The following C2orf92 variants were observed in gnomAD, a reference collection of about 807,000 sequenced individuals.
C2orf92 encodes the protein chromosome 2 open reading frame 92.
chr2:97,690,069 T>C (rs1029470148), intron 4 of C2orf92, among the ~76,000 whole-genome samples, 187 bp from the exon 5 acceptor site: 1 of 151,802 alleles, frequency 6.6e-6, no homozygotes, highest in Non-Finnish European at 1.5e-5. Flanking sequence ...AGGCGGAGGT[T>C]GCCGTGAGCC....
At chr2:97,683,132 A>C (rs1215961041) in intron 3 of C2orf92, among the ~76,000 whole-genome samples, 1 of 151,762 alleles carries the variant, frequency 6.6e-6, no homozygotes, top group Non-Finnish European at 1.5e-5. Context: ...TAAAACCAGT[A>C]AATGCATTTA....
At chr2:97,664,043 C>G, upstream of C2orf92, 1 of 341,630 alleles carries the variant, frequency 2.9e-6, no homozygotes, top group Non-Finnish European at 5.1e-6. Flanking sequence ...GCGGGGCTTT[C>G]TGGAGGGCGG....
intron 3 of C2orf92, among the ~76,000 whole-genome samples, chr2:97,679,818 C>T (rs143566279): frequency 0.043 from 3,907 of 91,908 alleles, 175 homozygotes; most frequent in African/African-American, 0.14. Flanking sequence ...GCCTGGGCAA[C>T]AAGAGTGAAA....
At chr2:97,696,676 C>T (rs894771456) in intron 5 of C2orf92, among the ~76,000 whole-genome samples, 8 of 152,144 alleles carry the variant, frequency 5.3e-5, no homozygotes, top group Admixed American at 1.3e-4. Flanking sequence ...GTGGAGGTTG[C>T]GGTGAGCCGA....
chr2:97,673,254 T>C (rs1433917105), intron 1 of C2orf92, among the ~76,000 whole-genome samples: 6 of 152,102 alleles, frequency 3.9e-5, no homozygotes, highest in African/African-American at 1.4e-4. Context: ...AGTGCTGGGG[T>C]TGGGCTCCTT....
At chr2:97,685,164 C>G (rs1472856080) in intron 3 of C2orf92, among the ~76,000 whole-genome samples, 1 of 151,798 alleles carries the variant, frequency 6.6e-6, no homozygotes, top group African/African-American at 2.4e-5. Context: ...CTCCTGACCT[C>G]GTGATCCATC....
chr2:97,669,899 G>A, intron 1 of C2orf92, 65 bp downstream of exon 1: 1 of 398,544 alleles, frequency 2.5e-6, no homozygotes, highest in Non-Finnish European at 4.4e-6. Context: ...GGGCAGAGGA[G>A]GGCGTTCCCT....
At chr2:97,666,669 C>T (rs1416297239), upstream of C2orf92, among the ~76,000 whole-genome samples, 1 of 151,674 alleles carries the variant, frequency 6.6e-6, no homozygotes, top group East Asian at 1.9e-4. Context: ...ATGGCAAAAC[C>T]CTGTCTCTAC....
intron 3 of C2orf92, among the ~76,000 whole-genome samples, chr2:97,686,415 C>T (rs1675961189): frequency 1.3e-5 from 2 of 151,730 alleles, no homozygotes; most frequent in Admixed American, 6.6e-5. Context: ...CTGTTTCAGT[C>T]GATTTTTTTT....
chr2:97,667,685 G>A (rs1204000303), upstream of C2orf92, among the ~76,000 whole-genome samples: 1 of 152,018 alleles, frequency 6.6e-6, no homozygotes, highest in Non-Finnish European at 1.5e-5. Context: ...GCCTGCCTCG[G>A]CCTCCCAAAA....
At chr2:97,665,758 TATA>T (rs1386454481), upstream of C2orf92, 1 of 140,390 alleles carries the variant, frequency 7.1e-6, no homozygotes, top group African/African-American at 2.7e-5. Context: ...TATATATATA[TATA>T]TATATATATA....
At chr2:97,698,016 C>G (rs866065986) in intron 5 of C2orf92, 1 of 152,072 alleles carries the variant, frequency 6.6e-6, no homozygotes, top group African/African-American at 2.4e-5. Flanking sequence ...TTTACCAAAC[C>G]CATCCAAAGC....
chr2:97,698,511 A>G (rs1258820377), intron 5 of C2orf92, among the ~76,000 whole-genome samples: 2 of 152,246 alleles, frequency 1.3e-5, no homozygotes, highest in African/African-American at 2.4e-5. Context: ...GAAAATTTTT[A>G]TAGTACTTCG....
chr2:97,688,213 A>G (rs72493446), intron 3 of C2orf92, among the ~76,000 whole-genome samples: 8,284 of 151,348 alleles, frequency 0.055, 601 homozygotes, highest in African/African-American at 0.17. Flanking sequence ...TGGTGACCCC[A>G]ATGGTTCATT....
chr2:97,693,088 T>G (rs1388437213), intron 5 of C2orf92, among the ~76,000 whole-genome samples: 1 of 152,222 alleles, frequency 6.6e-6, no homozygotes, highest in Admixed American at 6.5e-5. Context: ...TATTTGTCTT[T>G]TTGTGGTTGG....
chr2:97,676,548 C>T (rs1341019094), intron 3 of C2orf92, among the ~76,000 whole-genome samples: 4 of 150,700 alleles, frequency 2.7e-5, no homozygotes, highest in South Asian at 2.1e-4. Flanking sequence ...TGCTGGAGGA[C>T]AGAAGTTCAG....
intron 5 of C2orf92, 129 bp downstream of exon 5, chr2:97,690,456 C>T: frequency 2.7e-6 from 1 of 375,846 alleles, no homozygotes; most frequent in Non-Finnish European, 4.7e-6. Flanking sequence ...TCTCGGCTCA[C>T]TGCAAACTCT....
At chr2:97,676,666 G>A (rs955806526) in intron 3 of C2orf92, among the ~76,000 whole-genome samples, 1 of 151,830 alleles carries the variant, frequency 6.6e-6, no homozygotes, top group Non-Finnish European at 1.5e-5. Context: ...CAGCTACTCG[G>A]GAGGCTGAGG....
chr2:97,681,862 A>G (rs1675788101), intron 3 of C2orf92, among the ~76,000 whole-genome samples: 2 of 152,168 alleles, frequency 1.3e-5, no homozygotes. Flanking sequence ...GTCTCAAAAA[A>G]AAAAGGGGGG....
Sources: gnomAD v4.1 joint callset for allele counts (sites outside exome capture counted in the v4.1 genomes callset) on GRCh38, gnomAD v4.1.1 for gene constraint, MANE v1.5 for transcripts, NCBI Gene and HGNC (gene_info 2026-07-23, HGNC 2026-07-21) for gene names.